ATM: variants seen among roughly 807,000 people sequenced by gnomAD.
ATM encodes serine-protein kinase ATM.
ATM carries 308 observed loss-of-function variants against 387.0 expected under a neutral mutation model. That is an observed-to-expected ratio of 0.80 (90% CI 0.73 to 0.87). The LOEUF is 0.87. ATM is among the 40% of genes least tolerant of loss of function. The pLI, the probability that ATM is intolerant of heterozygous loss-of-function variation, is 0.00. For missense variants in ATM, 3,312 were observed against 3,560.9 expected, an observed-to-expected ratio of 0.93 and a Z score of 1.78; for synonymous variants, 1,156 against 1,187.3, an observed-to-expected ratio of 0.97 and a Z score of 0.54.
At chr11:108,245,829 T>A (rs928704112) in intron 7 of ATM, among the ~76,000 whole-genome samples, 1 of 149,440 alleles carries the variant, frequency 6.7e-6, no homozygotes, top group Non-Finnish European at 1.5e-5. Context: ...CACTTTTTTT[T>A]TTTTTTTTTT....
chr11:108,353,187 C>T (rs1195956984), intron 59 of ATM, among the ~76,000 whole-genome samples: 2 of 151,588 alleles, frequency 1.3e-5, no homozygotes, highest in East Asian at 1.9e-4. Context: ...TCACTCTTGT[C>T]GCCCAGGCTG....
At position 108,271,092 on chromosome 11, in the gene ATM, G is replaced by A. The variant is rs752099312; in HGVS notation, c.2867G>A (p.Gly956Glu). Reference protein sequence around the residue: ...MYLMLLKELPGEEYPLPMEDV... With the variant: ...MYLMLLKELPEEEYPLPMEDV... Reference sequence around the variant, plus strand: ...CTAATGCTTTTAAAGGAGCTTCCTGGAGAAGAGTACCCCTTGCCAATGGAA... The same window carrying A: ...CTAATGCTTTTAAAGGAGCTTCCTGAAGAAGAGTACCCCTTGCCAATGGAA... The change falls in exon 19 of 63, where the codon GGA becomes GAA. Residue 956 changes from glycine to glutamate, a missense_variant. Gly to Glu is a moderately conservative substitution (Grantham distance 98). Transcript: ENST00000675843. The A allele has an allele frequency of 1.9e-6, 3 of 1,614,062 alleles. No individual in the cohort carries two copies. Among genetic ancestry groups the A allele is most frequent in the Non-Finnish European group, 2.5e-6 (3 of 1,180,018 alleles).
chr11:108,278,449 A>T (rs2082059905), intron 22 of ATM, among the ~76,000 whole-genome samples: 1 of 152,194 alleles, frequency 6.6e-6, no homozygotes, highest in Non-Finnish European at 1.5e-5. Context: ...TAAATTCAAG[A>T]ATAACATGCA....
chr11:108,339,773 G>A (rs926907484), intron 56 of ATM, among the ~76,000 whole-genome samples: 28 of 152,090 alleles, frequency 1.8e-4, no homozygotes, highest in African/African-American at 6.0e-4. Context: ...TTGATAGAGA[G>A]TAATCAATGT....
In ATM at chr11:108,317,833, A is replaced by G. The variant is rs528204312; in HGVS notation, c.6347+312A>G. On this transcript the variant is annotated intron_variant, in intron 43 of 62. Transcript: ENST00000675843. ...GGCTTGAATTTTACTCTCTTATTCC[A>G]TTAGGACAACTTCACCCCACCCCTA... 8.2e-4 allele frequency among the ~76,000 whole-genome samples: 124 copies of G among 151,630 alleles called. 1 individual carries two copies. Among genetic ancestry groups the G allele is most frequent in the Non-Finnish European group, 5.0e-4 (34 of 67,880 alleles).
chr11:108,361,554 A>G (rs2090759013), intron 61 of ATM, among the ~76,000 whole-genome samples: 1 of 152,076 alleles, frequency 6.6e-6, no homozygotes, highest in Non-Finnish European at 1.5e-5. Flanking sequence ...ACTATACTAC[A>G]AGGCTACAGT....
chr11:108,360,272 A>G (rs1317183236), intron 61 of ATM, among the ~76,000 whole-genome samples: 1 of 105,702 alleles, frequency 9.5e-6, no homozygotes, highest in African/African-American at 2.9e-5. Flanking sequence ...TGAATAGACC[A>G]GTAACAGGAG....
chr11:108,341,625 GAC>G (rs2087591798), intron 56 of ATM, among the ~76,000 whole-genome samples: 1 of 152,054 alleles, frequency 6.6e-6, no homozygotes, highest in Admixed American at 6.5e-5. Context: ...TAGAACTAAA[GAC>G]ACCATAAGGA....
chr11:108,357,222 T>C (rs1313715939), intron 61 of ATM, among the ~76,000 whole-genome samples: 1 of 151,976 alleles, frequency 6.6e-6, no homozygotes, highest in African/African-American at 2.4e-5. Flanking sequence ...CACCCGAATA[T>C]TGCGCTTTTT....
At chr11:108,335,413 C>T (rs2086730853) in intron 55 of ATM, 3 of 669,660 alleles carry the variant, frequency 4.5e-6, no homozygotes, top group Admixed American at 3.3e-5. Flanking sequence ...TCTCTTATTT[C>T]CTTGAATAGT....
At chr11:108,296,256 CT>C (rs1298737298) in intron 32 of ATM, among the ~76,000 whole-genome samples, 119 of 144,696 alleles carry the variant, frequency 8.2e-4, no homozygotes, top group Admixed American at 7.6e-4. Context: ...TTTCATATTT[CT>C]TTTTTTTTTT....
At position 108,253,883 on chromosome 11, in the gene ATM, T is replaced by G. The variant is rs1317185205; in HGVS notation, c.1968T>G (p.Thr656=). 6.2e-7 allele frequency: 1 copy of G among 1,614,034 alleles called. No homozygotes were observed. The highest frequency in any genetic ancestry group is 1.7e-5 in the Admixed American group (1 of 60,012). The part of the protein sequence containing the change: ...SEVEELFLQT[T]FDKMDFLTIV... ...TAGAAGAACTATTTCTTCAGACAAC[T>G]TTTGACAAGATGGACTTTTTAACCA... is the stretch of plus-strand genomic sequence containing the variant. The change falls in exon 13 of 63, where the codon ACT becomes ACG. Residue 656 remains threonine, a synonymous_variant. Coordinates refer to ENST00000675843, the MANE Select transcript of ATM (RefSeq NM_000051.4).
rs1339802549 is a variant in ATM, at chr11:108,319,947, CT to C, written c.6348-6del. 6.3e-7 allele frequency: 1 copy of C among 1,593,556 alleles called. No homozygotes were observed. Among genetic ancestry groups the C allele is most frequent in the South Asian group, 1.1e-5 (1 of 90,618 alleles). ...AAGTATATTTTTTTCTTTGACTTAT[CT>C]CACAGCAAAGAAGTAGAAGGAACCA... On this transcript the variant is annotated splice_region_variant and splice_polypyrimidine_tract_variant and intron_variant, in intron 43 of 62. Coordinates refer to ENST00000675843, the MANE Select transcript of ATM (RefSeq NM_000051.4).
chr11:108,241,524 A>G (rs2079555685), intron 5 of ATM, among the ~76,000 whole-genome samples: 1 of 152,072 alleles, frequency 6.6e-6, no homozygotes, highest in Non-Finnish European at 1.5e-5. Context: ...GACATCACTA[A>G]GTATTTAAAT....
In ATM at chr11:108,245,039, T is replaced by C; in HGVS notation, c.901+13T>C. The C allele has an allele frequency of 6.3e-7, 1 of 1,582,796 alleles. No homozygotes were observed. The highest frequency in any genetic ancestry group is 8.6e-7 in the Non-Finnish European group (1 of 1,158,962). On this transcript the variant is annotated intron_variant, in intron 7 of 62. Transcript: ENST00000675843. The stretch of plus-strand genomic sequence containing the variant: ...ACCCAAGAAAAAGGTATAAAGGAAA[T>C]GTTTACTGTTTTGAATTTGCTTCTT...
In ATM at chr11:108,365,178, A is replaced by C. The variant is rs1555151456; in HGVS notation, c.8947A>C (p.Thr2983Pro). ...GGAAGATGAAACTGAGCTTCACCCT[A>C]CTCTGAATGCAGATGACCAAGAATG... ...RPEDETELHP[T>P]LNADDQECKR... Residue 2983 changes from threonine to proline, a missense_variant, in exon 62 of 63, where the codon ACT (threonine) becomes CCT (proline). Transcript: ENST00000675843. 6.2e-7 allele frequency: 1 copy of C among 1,614,150 alleles called. No individual in the cohort carries two copies. Among genetic ancestry groups the C allele is most frequent in the Non-Finnish European group, 8.5e-7 (1 of 1,180,018 alleles).
At chr11:108,317,247 G>C in intron 42 of ATM, 126 bp from the exon 43 acceptor site, 3 of 959,336 alleles carry the variant, frequency 3.1e-6, no homozygotes, top group Non-Finnish European at 4.7e-6. Context: ...CTGATATTTT[G>C]GGATTTTAAA....
At chr11:108,235,178 T>A (rs2079203609) in intron 4 of ATM, among the ~76,000 whole-genome samples, 1 of 151,776 alleles carries the variant, frequency 6.6e-6, no homozygotes, top group South Asian at 2.1e-4. Flanking sequence ...ACGCCTCTAG[T>A]CTCAGCTACT....
rs1454725863 is a variant in ATM at position 108,330,277 on chromosome 11, G to A, written c.7371G>A (p.Glu2457=). ...LDELALRALK[E]DRKRFLCKAV... ...AATTAGCCCTGCGTGCACTGAAAGA[G>A]GATCGTAAACGCTTCTTATGTAAAG... The change falls in exon 50 of 63, where the codon GAG becomes GAA. Residue 2457 remains glutamate, a synonymous_variant. Transcript: ENST00000675843. The A allele has an allele frequency of 2.5e-6, 4 of 1,614,068 alleles. No individual in the cohort carries two copies. Among genetic ancestry groups the A allele is most frequent in the Non-Finnish European group, 2.5e-6 (3 of 1,180,040 alleles).
Sources: allele counts gnomAD v4.1 joint callset (sites outside exome capture counted in the v4.1 genomes callset), GRCh38; gene constraint gnomAD v4.1.1; transcripts MANE v1.5; gene names NCBI Gene and HGNC (gene_info 2026-07-23, HGNC 2026-07-21).